Variants in ROBO2 observed in about 807,000 individuals in gnomAD.
The protein encoded by ROBO2 is roundabout guidance receptor 2.
A neutral mutation model predicts 160.8 loss-of-function variants in ROBO2; 53 were observed. The ratio of observed to expected loss-of-function variants is 0.33; its 90% CI spans 0.26 to 0.41. The LOEUF (loss-of-function observed/expected upper bound fraction) is 0.41. Among genes scored for constraint, ROBO2 ranks in the 10% least tolerant of loss-of-function variants. ROBO2 has a pLI of 1.00. For synonymous variants in ROBO2, 664 were observed against 611.7 expected, an observed-to-expected ratio of 1.09 and a Z score of -1.26; for missense variants, 1,577 against 1,722.4, an observed-to-expected ratio of 0.92 and a Z score of 1.49.
intron 2 of ROBO2, among the ~76,000 whole-genome samples, chr3:76,784,616 C>A (rs955534144): frequency 6.6e-6 from 1 of 151,100 alleles, no homozygotes; most frequent in Non-Finnish European, 1.5e-5. Flanking sequence ...AAGATGCCAG[C>A]CACAGGACAG....
intron 1 of ROBO2, among the ~76,000 whole-genome samples, chr3:77,078,393 G>A (rs1191713594): frequency 6.6e-6 from 1 of 152,122 alleles, no homozygotes; most frequent in Non-Finnish European, 1.5e-5. Flanking sequence ...ACAGGGGGTA[G>A]GAGATATTAT....
intron 2 of ROBO2, among the ~76,000 whole-genome samples, chr3:77,296,696 C>T (rs1309364686): frequency 4.6e-5 from 7 of 152,056 alleles, no homozygotes; most frequent in Non-Finnish European, 1.0e-4. Flanking sequence ...ATGGAAAAGG[C>T]CTTGTGGTAA....
intron 2 of ROBO2, among the ~76,000 whole-genome samples, chr3:76,211,766 G>T (rs550614054): frequency 6.6e-6 from 1 of 151,992 alleles, no homozygotes; most frequent in Non-Finnish European, 1.5e-5. Flanking sequence ...GTCTTTCAAT[G>T]ATGGATAAAA....
chr3:76,798,762 G>A (rs959780952), intron 2 of ROBO2, among the ~76,000 whole-genome samples: 7 of 152,012 alleles, frequency 4.6e-5, no homozygotes, highest in Non-Finnish European at 4.4e-5. Context: ...GCATGGTGGT[G>A]CACATCTGTA....
At chr3:76,228,673 A>C (rs1669081804) in intron 2 of ROBO2, among the ~76,000 whole-genome samples, 1 of 152,156 alleles carries the variant, frequency 6.6e-6, no homozygotes, top group Admixed American at 6.5e-5. Context: ...AAATTATGTC[A>C]ACATCTTAGC....
At chr3:76,725,159 C>G (rs1331184202) in intron 2 of ROBO2, among the ~76,000 whole-genome samples, 2 of 152,042 alleles carry the variant, frequency 1.3e-5, no homozygotes. Context: ...CCAGAAGGCA[C>G]TAAGGTAATG....
chr3:76,735,684 T>C (rs942735014), intron 2 of ROBO2, among the ~76,000 whole-genome samples: 1 of 142,618 alleles, frequency 7.0e-6, no homozygotes, highest in Non-Finnish European at 1.5e-5. Flanking sequence ...ATGGCCTGAG[T>C]CCAGGAGGCA....
intron 2 of ROBO2, among the ~76,000 whole-genome samples, chr3:76,391,375 A>G (rs1004809507): frequency 6.6e-6 from 1 of 152,232 alleles, no homozygotes; most frequent in African/African-American, 2.4e-5. Flanking sequence ...GCCAGTCTGC[A>G]TTCCACATAT....
chr3:77,474,994 G>T (rs1230482929), intron 2 of ROBO2, among the ~76,000 whole-genome samples: 6 of 151,966 alleles, frequency 3.9e-5, no homozygotes, highest in Non-Finnish European at 8.8e-5. Flanking sequence ...GAGTAAAAAT[G>T]ATTTTACTCC....
At chr3:76,146,872 ACACT>A (rs1267216503) in intron 2 of ROBO2, among the ~76,000 whole-genome samples, 3 of 149,750 alleles carry the variant, frequency 2.0e-5, no homozygotes, top group East Asian at 4.1e-4. Context: ...CACCACACAC[ACACT>A]CACACACACA....
intron 2 of ROBO2, among the ~76,000 whole-genome samples, chr3:76,155,535 A>G (rs72630358): frequency 0.047 from 7,094 of 152,266 alleles, 384 homozygotes; most frequent in East Asian, 0.23. Flanking sequence ...AAAACCAAAC[A>G]AGAAGGGATT....
chr3:77,472,815 G>C (rs1210855565), intron 2 of ROBO2, among the ~76,000 whole-genome samples: 1 of 152,134 alleles, frequency 6.6e-6, no homozygotes, highest in Non-Finnish European at 1.5e-5. Context: ...GCTGTTATCT[G>C]AAAGATGAAA....
intron 2 of ROBO2, among the ~76,000 whole-genome samples, chr3:77,266,758 T>C (rs2059152158): frequency 6.6e-6 from 1 of 152,112 alleles, no homozygotes; most frequent in Non-Finnish European, 1.5e-5. Flanking sequence ...ATTATCCACA[T>C]TGGAAGATTG....
intron 2 of ROBO2, among the ~76,000 whole-genome samples, chr3:76,682,748 T>C (rs772727268): frequency 4.6e-5 from 7 of 152,142 alleles, no homozygotes; most frequent in Non-Finnish European, 8.8e-5. Context: ...ATATGTAAGC[T>C]TGAGTATCTT....
At chr3:76,053,697 A>G (rs2067733717) in intron 2 of ROBO2, among the ~76,000 whole-genome samples, 1 of 152,094 alleles carries the variant, frequency 6.6e-6, no homozygotes, top group South Asian at 2.1e-4. Flanking sequence ...TTTACCATAC[A>G]TTAAGATAAA....
At chr3:76,109,873 A>C (rs998734775) in intron 2 of ROBO2, among the ~76,000 whole-genome samples, 1 of 151,764 alleles carries the variant, frequency 6.6e-6, no homozygotes, top group Non-Finnish European at 1.5e-5. Context: ...CTATATGTCT[A>C]TGTGTGCCTT....
At chr3:77,401,481 C>G (rs1025446476) in intron 2 of ROBO2, among the ~76,000 whole-genome samples, 2 of 152,114 alleles carry the variant, frequency 1.3e-5, no homozygotes, top group Admixed American at 6.6e-5. Flanking sequence ...AGATTTTGCA[C>G]TGTACATTTT....
chr3:75,920,220 T>C (rs1439681629), intron 1 of ROBO2, among the ~76,000 whole-genome samples: 1 of 152,234 alleles, frequency 6.6e-6, no homozygotes, highest in Non-Finnish European at 1.5e-5. Context: ...GATATTCTGG[T>C]ATGTTGTGTC....
intron 2 of ROBO2, among the ~76,000 whole-genome samples, chr3:76,727,596 C>T (rs2093572593): frequency 6.6e-6 from 1 of 151,976 alleles, no homozygotes; most frequent in South Asian, 2.1e-4. Flanking sequence ...GTATTTCCAA[C>T]AAGGCGCATG....
Sources: gnomAD v4.1 joint callset for allele counts (sites outside exome capture counted in the v4.1 genomes callset) on GRCh38, gnomAD v4.1.1 for gene constraint, MANE v1.5 for transcripts, NCBI Gene and HGNC (gene_info 2026-07-23, HGNC 2026-07-21) for gene names.